The following CARMIL1 variants were observed in gnomAD, a reference collection of about 807,000 sequenced individuals.
The protein encoded by CARMIL1 is capping protein regulator and myosin 1 linker 1.
CARMIL1 carries 90 observed loss-of-function variants against 177.1 expected under a neutral mutation model. The ratio of observed to expected loss-of-function variants is 0.51; its 90% CI spans 0.43 to 0.61. CARMIL1 has a LOEUF of 0.61. Ranked by LOEUF, CARMIL1 falls within the 20% of genes least tolerant of loss-of-function variation. CARMIL1 has a pLI of 0.00. For synonymous variants in CARMIL1, 577 were observed against 606.2 expected (o/e 0.95, Z 0.71); for missense variants, 1,380 against 1,667.0 (o/e 0.83, Z 3.00).
At chr6:25,398,760 C>T (rs73730721) in intron 2 of CARMIL1, among the ~76,000 whole-genome samples, 2,270 of 152,204 alleles carry the variant, frequency 0.015, 51 homozygotes, top group African/African-American at 0.049. Context: ...AATAATGTAA[C>T]CAAGGATATG....
At chr6:25,521,370 GA>G (rs34772832) in intron 23 of CARMIL1, among the ~76,000 whole-genome samples, 24,954 of 152,158 alleles carry the variant, frequency 0.16, 2,294 homozygotes, top group East Asian at 0.4. Flanking sequence ...GCATTAAAAT[GA>G]GGGTGATTTT....
intron 24 of CARMIL1, among the ~76,000 whole-genome samples, chr6:25,532,905 A>G (rs1410861709): frequency 2.6e-5 from 4 of 152,206 alleles, no homozygotes; most frequent in Admixed American, 1.3e-4. Context: ...GAAAGCCACC[A>G]TAGACAACAT....
chr6:25,312,713 T>C (rs963243563), intron 2 of CARMIL1, among the ~76,000 whole-genome samples: 1 of 151,714 alleles, frequency 6.6e-6, no homozygotes, highest in Non-Finnish European at 1.5e-5. Flanking sequence ...GGGTAGCTTT[T>C]GGAATTTTCC....
intron 2 of CARMIL1, among the ~76,000 whole-genome samples, chr6:25,325,822 A>G (rs1047714454): frequency 2.0e-5 from 3 of 152,124 alleles, no homozygotes; most frequent in South Asian, 2.1e-4. Context: ...TGAAAACAGT[A>G]TAGTGATAGG....
At chr6:25,536,412 AT>A (rs1326401365) in intron 24 of CARMIL1, among the ~76,000 whole-genome samples, 2 of 152,122 alleles carry the variant, frequency 1.3e-5, no homozygotes, top group East Asian at 3.9e-4. Flanking sequence ...TAGGCAGAGA[AT>A]TTGATGTGAG....
intron 23 of CARMIL1, among the ~76,000 whole-genome samples, chr6:25,527,040 G>A (rs1807214404): frequency 6.6e-6 from 1 of 152,056 alleles, no homozygotes; most frequent in African/African-American, 2.4e-5. Context: ...CAGATTTTTT[G>A]TGTTTCGTTT....
intron 36 of CARMIL1, among the ~76,000 whole-genome samples, chr6:25,613,354 G>A (rs532264747): frequency 3.3e-5 from 5 of 152,298 alleles, no homozygotes; most frequent in East Asian, 1.9e-4. Context: ...CAATGCAGAC[G>A]TTGGATCATG....
At chr6:25,307,456 A>G (rs1252775028) in intron 2 of CARMIL1, among the ~76,000 whole-genome samples, 3 of 152,172 alleles carry the variant, frequency 2.0e-5, no homozygotes, top group Admixed American at 1.3e-4. Flanking sequence ...TACTCAATAA[A>G]TGTTTGTTGA....
intron 15 of CARMIL1, among the ~76,000 whole-genome samples, chr6:25,493,238 A>G (rs574056673): frequency 6.6e-6 from 1 of 152,358 alleles, no homozygotes; most frequent in South Asian, 2.1e-4. Context: ...GAATTGCGCT[A>G]ACAAATTGTC....
intron 29 of CARMIL1, among the ~76,000 whole-genome samples, 193 bp from the exon 30 acceptor site, chr6:25,580,731 G>A (rs1813045154): frequency 6.6e-6 from 1 of 152,208 alleles, no homozygotes; most frequent in South Asian, 2.1e-4. Flanking sequence ...GAAACAAAGA[G>A]GTTAGCTGTA....
intron 12 of CARMIL1, among the ~76,000 whole-genome samples, chr6:25,482,601 G>A (rs2150971969): frequency 6.6e-6 from 1 of 152,222 alleles, no homozygotes; most frequent in South Asian, 2.1e-4. Context: ...TTTGAGTCAG[G>A]GAACACTTGC....
intron 11 of CARMIL1, among the ~76,000 whole-genome samples, chr6:25,474,004 G>T (rs1801301135): frequency 6.6e-6 from 1 of 152,030 alleles, no homozygotes; most frequent in African/African-American, 2.4e-5. Flanking sequence ...GAAGGAATTG[G>T]TTTATCTCTA....
intron 30 of CARMIL1, 125 bp from the exon 31 acceptor site, chr6:25,581,118 A>T: frequency 7.9e-7 from 1 of 1,268,258 alleles, no homozygotes; most frequent in African/African-American, 1.5e-5. Flanking sequence ...GAGTTCAGTG[A>T]TCTGTGAATG....
At chr6:25,538,614 T>C (rs1808555638) in intron 25 of CARMIL1, among the ~76,000 whole-genome samples, 2 of 152,216 alleles carry the variant, frequency 1.3e-5, no homozygotes, top group Non-Finnish European at 2.9e-5. Flanking sequence ...TATTTGGTCT[T>C]TGTCCCTGGT....
intron 32 of CARMIL1, among the ~76,000 whole-genome samples, chr6:25,596,860 C>CACACAG (rs1201493529): frequency 2.0e-5 from 3 of 151,758 alleles, no homozygotes; most frequent in Non-Finnish European, 4.4e-5. Flanking sequence ...GACACACACA[C>CACACAG]ACACACACAC....
intron 2 of CARMIL1, among the ~76,000 whole-genome samples, chr6:25,289,480 C>T (rs903506218): frequency 2.0e-5 from 3 of 152,044 alleles, no homozygotes; most frequent in Non-Finnish European, 2.9e-5. Flanking sequence ...ATTTAGTTTT[C>T]CCTTTTTGCA....
intron 36 of CARMIL1, among the ~76,000 whole-genome samples, chr6:25,615,042 T>C (rs1489694820): frequency 1.3e-5 from 2 of 152,248 alleles, no homozygotes; most frequent in Non-Finnish European, 1.5e-5. Flanking sequence ...ATTAAAGTGA[T>C]TTTATGCATA....
intron 2 of CARMIL1, among the ~76,000 whole-genome samples, chr6:25,398,361 A>G (rs1225170030): frequency 6.6e-6 from 1 of 152,216 alleles, no homozygotes; most frequent in East Asian, 1.9e-4. Context: ...AAATAGAGAA[A>G]TCAGCAAGTA....
chr6:25,585,598 G>A (rs1383353607), intron 31 of CARMIL1, among the ~76,000 whole-genome samples: 1 of 152,086 alleles, frequency 6.6e-6, no homozygotes, highest in Non-Finnish European at 1.5e-5. Flanking sequence ...TCTCGTAGAG[G>A]GGGATTTGGC....
Sources: allele counts gnomAD v4.1 joint callset (sites outside exome capture counted in the v4.1 genomes callset), GRCh38; gene constraint gnomAD v4.1.1; transcripts MANE v1.5; gene names NCBI Gene and HGNC (gene_info 2026-07-23, HGNC 2026-07-21).